Variants in TMEM253 observed in about 807,000 individuals in gnomAD.
TMEM253 encodes transmembrane protein C14orf176.
In TMEM253, 22 loss-of-function variants were observed where a neutral mutation model predicts 20.3. The ratio of observed to expected loss-of-function variants is 1.08; its 90% confidence interval spans 0.78 to 1.55. The LOEUF is 1.55. TMEM253 is among the 40% of genes most tolerant of loss of function. TMEM253 has a pLI of 0.00. For synonymous variants in TMEM253, 92 were observed against 102.6 expected (o/e 0.90, Z 0.62); for missense variants, 251 against 266.1 (o/e 0.94, Z 0.39).
At chr14:21,102,455 A>C (rs4982408) in exon 5 of TMEM253, 1,290,539 of 1,551,564 alleles carry the variant, frequency 0.83, 538,982 homozygotes, top group African/African-American at 0.94. Context: ...TGGGTTTCAT[A>C]GTGGTGGTGG....
exon 3 of TMEM253, chr14:21,101,933 T>C (rs1189077767): frequency 1.1e-5 from 17 of 1,551,546 alleles, no homozygotes; most frequent in Non-Finnish European, 1.2e-5. Context: ...TGAACTCTGA[T>C]TGTCACATGG....
In TMEM253 at chr14:21,101,305, C is replaced by T; in HGVS notation, c.-36-3C>T. ...GACAGAACCTATAACGCATTTTTCC[C>T]AGCCTAGGAAGCACCTAATTCTTGT... is the stretch of plus-strand genomic sequence containing the variant. On this transcript the variant is annotated splice_polypyrimidine_tract_variant and splice_region_variant and intron_variant, in intron 1 of 6. Transcript: ENST00000556585. 1 of 1,541,906 alleles carries T rather than the reference C, an allele frequency of 6.5e-7. No homozygotes were observed. The highest frequency in any genetic ancestry group is 8.8e-7 in the Non-Finnish European group (1 of 1,139,884).
chr14:21,102,907 C>G (rs1889738743), intron 6 of TMEM253, 128 bp downstream of exon 6: 3 of 1,408,696 alleles, frequency 2.1e-6, no homozygotes, highest in East Asian at 5.0e-5. Flanking sequence ...TAGAATGAAA[C>G]TGATTGGCTT....
At chr14:21,098,991 T>C, upstream of TMEM253, 1 of 462,846 alleles carries the variant, frequency 2.2e-6, no homozygotes, top group South Asian at 2.4e-5. Flanking sequence ...TTAAAGTTAC[T>C]CTTCGGTCCT....
intron 2 of TMEM253, 21 bp downstream of exon 2, chr14:21,101,472 C>T (rs1467374114): frequency 6.5e-7 from 1 of 1,544,500 alleles, no homozygotes; most frequent in South Asian, 1.2e-5. Flanking sequence ...GCTACCCCAT[C>T]CCAGGTCTCA....
At chr14:21,101,417 G>A in exon 2 of TMEM253, 2 of 1,551,622 alleles carry the variant, frequency 1.3e-6, no homozygotes, top group Non-Finnish European at 1.7e-6. Flanking sequence ...CACTGGGCAA[G>A]GCACAGGCAG....
upstream of TMEM253, chr14:21,099,103 T>G (rs1889487253): frequency 4.0e-6 from 1 of 250,760 alleles, no homozygotes; most frequent in African/African-American, 2.3e-5. Flanking sequence ...ATTTACTGAG[T>G]GCTTACTAAG....
intron 6 of TMEM253, 136 bp downstream of exon 6, chr14:21,102,915 C>T (rs1382512170): frequency 7.2e-7 from 1 of 1,383,950 alleles, no homozygotes; most frequent in Non-Finnish European, 9.6e-7. Context: ...AACTGATTGG[C>T]TTTCTCTGGC....
At chr14:21,103,244 C>T (rs1417364257) in exon 7 of TMEM253, 1 of 1,551,530 alleles carries the variant, frequency 6.4e-7, no homozygotes, top group East Asian at 2.4e-5. Flanking sequence ...ACGTGCTGCT[C>T]TCCTTCCACC....
upstream of TMEM253, chr14:21,098,983 A>G (rs1212782764): frequency 1.3e-5 from 7 of 521,896 alleles, no homozygotes; most frequent in Admixed American, 3.1e-4. Context: ...AAACATTATT[A>G]AAGTTACTCT....
At chr14:21,101,509 T>C (rs763826154) in intron 2 of TMEM253, 58 bp downstream of exon 2, 63 of 1,327,632 alleles carry the variant, frequency 4.7e-5, no homozygotes, top group Non-Finnish European at 6.4e-5. Flanking sequence ...CCAATTCAAT[T>C]CCATCCATCC....
At chr14:21,098,907 T>C (rs1889477267), upstream of TMEM253, 13 of 1,253,014 alleles carry the variant, frequency 1.0e-5, no homozygotes, top group South Asian at 1.7e-4. Flanking sequence ...TCCCTTACAA[T>C]TTCTGTCTCT....
In TMEM253 at chr14:21,102,518, ACTG is replaced by A; in HGVS notation, c.387+4_387+6del. On this transcript the variant is annotated splice_donor_5th_base_variant and intron_variant, in intron 5 of 6. Coordinates refer to ENST00000556585, the Ensembl canonical transcript of TMEM253. ...CTGCCCCAACTGCCTCCTCCCAGGT[ACTG>A]GTCAATGAAGGAGAAGGTGGGAGGA... is the stretch of plus-strand genomic sequence containing the variant. The A allele has an allele frequency of 6.4e-7, 1 of 1,551,726 alleles. No homozygotes were observed.
chr14:21,101,828 G>T, intron 2 of TMEM253, 37 bp from the exon 3 acceptor site: 1 of 1,504,844 alleles, frequency 6.6e-7, no homozygotes. Context: ...GGGAATCCCT[G>T]ACAGTTCCTC....
upstream of TMEM253, among the ~76,000 whole-genome samples, chr14:21,099,860 C>A (rs1228721390): frequency 6.6e-6 from 1 of 152,090 alleles, no homozygotes; most frequent in Non-Finnish European, 1.5e-5. Context: ...TATATTTGGG[C>A]CCAGCTGGTT....
chr14:21,103,576 T>C (rs946676919), exon 7 of TMEM253: 1 of 295,092 alleles, frequency 3.4e-6, no homozygotes, highest in Admixed American at 4.9e-5. Flanking sequence ...TCCCGGACCC[T>C]GCACACGCCA....
upstream of TMEM253, chr14:21,098,969 TA>T: frequency 1.6e-6 from 1 of 623,080 alleles, no homozygotes; most frequent in South Asian, 2.0e-5. Flanking sequence ...GTCGGCCGTA[TA>T]AGAAACATTA....
chr14:21,100,269 G>A (rs1204412671), upstream of TMEM253, among the ~76,000 whole-genome samples: 1 of 152,088 alleles, frequency 6.6e-6, no homozygotes, highest in Non-Finnish European at 1.5e-5. Flanking sequence ...GGGAGACTGA[G>A]GCAGGATGAT....
At chr14:21,100,369 T>TATA (rs3061999), upstream of TMEM253, among the ~76,000 whole-genome samples, 21,962 of 149,264 alleles carry the variant, frequency 0.15, 1,869 homozygotes, top group Middle Eastern at 0.26. Context: ...GTCTCAATAA[T>TATA]ATAATAATAA....
Sources: gnomAD v4.1 joint callset for allele counts (sites outside exome capture counted in the v4.1 genomes callset) on GRCh38, gnomAD v4.1.1 for gene constraint, MANE v1.5 for transcripts, NCBI Gene and HGNC (gene_info 2026-07-23, HGNC 2026-07-21) for gene names.